The following CDK14 variants were observed in gnomAD, a reference collection of about 807,000 sequenced individuals.
CDK14 encodes the protein cyclin dependent kinase 14, also known as cyclin-dependent kinase 14.
In CDK14, 34 loss-of-function variants were observed where a neutral mutation model predicts 60.7. The ratio of observed to expected loss-of-function variants is 0.56; its 90% confidence interval spans 0.43 to 0.75. The LOEUF (loss-of-function observed/expected upper bound fraction) is 0.75. Ranked by LOEUF, CDK14 falls within the 30% of genes least tolerant of loss-of-function variation. CDK14 has a pLI of 0.00. For missense variants in CDK14, 482 were observed against 564.1 expected (o/e 0.85, Z 1.47); for synonymous variants, 197 against 203.7 (o/e 0.97, Z 0.28).
At chr7:91,119,781 A>G (rs1799725250) in intron 14 of CDK14, among the ~76,000 whole-genome samples, 1 of 152,216 alleles carries the variant, frequency 6.6e-6, no homozygotes, top group South Asian at 2.1e-4. Context: ...ATCTCCAGAT[A>G]AAGTATGATG....
chr7:90,655,961 T>C (rs1325641506), intron 2 of CDK14, among the ~76,000 whole-genome samples: 1 of 152,186 alleles, frequency 6.6e-6, no homozygotes, highest in Non-Finnish European at 1.5e-5. Context: ...CTTGAACTTT[T>C]TTGTGTCTCA....
chr7:90,614,076 G>C (rs976215599), intron 2 of CDK14, among the ~76,000 whole-genome samples: 2 of 146,908 alleles, frequency 1.4e-5, no homozygotes, highest in Non-Finnish European at 3.0e-5. Flanking sequence ...GTGCGATCTT[G>C]GGTCACTGCA....
At chr7:90,874,362 T>C (rs529274589) in intron 6 of CDK14, among the ~76,000 whole-genome samples, 11 of 152,276 alleles carry the variant, frequency 7.2e-5, no homozygotes, top group African/African-American at 2.6e-4. Flanking sequence ...GCTCCATTTT[T>C]CAGTTCCATT....
chr7:91,178,506 C>T (rs1471388241), intron 14 of CDK14, among the ~76,000 whole-genome samples: 2 of 149,340 alleles, frequency 1.3e-5, no homozygotes, highest in Admixed American at 1.3e-4. Flanking sequence ...AAAGAAACTA[C>T]CATCAGAGTG....
intron 10 of CDK14, among the ~76,000 whole-genome samples, chr7:91,000,106 A>G (rs1313410467): frequency 6.6e-6 from 1 of 152,210 alleles, no homozygotes; most frequent in Admixed American, 6.5e-5. Context: ...CAGTAAGCCA[A>G]CTGCTTGGTA....
At chr7:91,060,307 A>G (rs1344619736) in intron 11 of CDK14, among the ~76,000 whole-genome samples, 1 of 149,450 alleles carries the variant, frequency 6.7e-6, no homozygotes, top group Non-Finnish European at 1.5e-5. Context: ...TGCCCGTGAG[A>G]TGGGTTTCCT....
intron 8 of CDK14, among the ~76,000 whole-genome samples, chr7:90,948,922 A>G (rs1181299191): frequency 6.6e-6 from 1 of 152,218 alleles, no homozygotes; most frequent in Non-Finnish European, 1.5e-5. Flanking sequence ...GAACAACAGC[A>G]TGTTTATCAT....
intron 5 of CDK14, among the ~76,000 whole-genome samples, chr7:90,851,345 A>ATG (rs1790639846): frequency 1.3e-5 from 2 of 152,062 alleles, no homozygotes; most frequent in Non-Finnish European, 1.5e-5. Context: ...TTTTATATAT[A>ATG]TGTGTGTGTA....
At chr7:90,765,912 A>G (rs945866919) in intron 4 of CDK14, among the ~76,000 whole-genome samples, 1 of 152,048 alleles carries the variant, frequency 6.6e-6, no homozygotes, top group African/African-American at 2.4e-5. Flanking sequence ...GAGGAGCTCT[A>G]TTTTCTCTGT....
At chr7:90,823,618 T>C (rs1789624109) in intron 5 of CDK14, among the ~76,000 whole-genome samples, 1 of 151,558 alleles carries the variant, frequency 6.6e-6, no homozygotes, top group Non-Finnish European at 1.5e-5. Flanking sequence ...TAGGAGGGAG[T>C]AGGTATTTCG....
At chr7:90,888,091 C>T (rs1208822734) in intron 6 of CDK14, among the ~76,000 whole-genome samples, 1 of 152,156 alleles carries the variant, frequency 6.6e-6, no homozygotes, top group Admixed American at 6.5e-5. Context: ...ATGGCTCACA[C>T]CTGTAATCCC....
intron 6 of CDK14, among the ~76,000 whole-genome samples, chr7:90,865,798 C>G (rs763169255): frequency 2.6e-5 from 4 of 152,092 alleles, no homozygotes; most frequent in Non-Finnish European, 2.9e-5. Context: ...TCTCAACAGC[C>G]TCATGGAACT....
chr7:90,910,437 A>G (rs1792856233), intron 7 of CDK14, among the ~76,000 whole-genome samples: 1 of 152,160 alleles, frequency 6.6e-6, no homozygotes, highest in Admixed American at 6.6e-5. Flanking sequence ...TATAATTGGG[A>G]TTTTAACTAA....
intron 2 of CDK14, among the ~76,000 whole-genome samples, chr7:90,672,502 G>GTTTTTT (rs201978996): frequency 1.0e-4 from 5 of 49,984 alleles, no homozygotes; most frequent in East Asian, 6.9e-4. Context: ...TTCTTCTTCT[G>GTTTTTT]TTTTTTTTTT....
rs11375419 is a variant in CDK14 at position 91,141,608 on chromosome 7, G to GAA, written c.*28+23408_*28+23409dup. On this transcript the variant is annotated intron_variant, in intron 14 of 14. Coordinates refer to ENST00000380050, the MANE Select transcript of CDK14 (RefSeq NM_001287135.2). ...ACAGACAACAGAGAAAGTAAGGTCAGAAAAAAAAAGAGAGAAATAAGTTAC... is the reference window on the plus strand; with the variant it reads ...ACAGACAACAGAGAAAGTAAGGTCAGAAAAAAAAAAAGAGAGAAATAAGTTAC... 5.8e-4 allele frequency among the ~76,000 whole-genome samples: 88 copies of GAA among 150,772 alleles called. 2 individuals carry two copies. In the South Asian group the frequency reaches 0.015, roughly 26 times the overall value.
At position 90,759,574 on chromosome 7, in the gene CDK14, G is replaced by T. The variant is rs185860885; in HGVS notation, c.464+11799G>T. Among the ~76,000 whole-genome samples the T allele has an allele frequency of 3.9e-5, 6 of 152,286 alleles. No individual in the cohort carries two copies. In the East Asian group the frequency reaches 1.2e-3, roughly 29 times the overall value. Reference sequence around the variant, plus strand: ...CCTCAAGACCCAAAGTTGAGACATAGTGGGACCCATATTCTCCTCAATGTA... The same window carrying T: ...CCTCAAGACCCAAAGTTGAGACATATTGGGACCCATATTCTCCTCAATGTA... On this transcript the variant is annotated intron_variant, in intron 4 of 14. Transcript: ENST00000380050.
rs537827383 is a variant in CDK14, at chr7:90,806,229, T to C, written c.544+15577T>C. 2.0e-5 allele frequency among the ~76,000 whole-genome samples: 3 copies of C among 152,268 alleles called. No homozygotes were observed. In the South Asian group the frequency reaches 6.2e-4, roughly 32 times the overall value. On this transcript the variant is annotated intron_variant, in intron 5 of 14. Transcript: ENST00000380050. Reference sequence around the variant, plus strand: ...ATTTTGTGCCCTTGGATTACACAAATATTTCATAGATATGACAGCAAAAAC... The same window carrying C: ...ATTTTGTGCCCTTGGATTACACAAACATTTCATAGATATGACAGCAAAAAC...
intron 2 of CDK14, among the ~76,000 whole-genome samples, chr7:90,626,737 G>A (rs2116388453): frequency 6.6e-6 from 1 of 152,156 alleles, no homozygotes; most frequent in Non-Finnish European, 1.5e-5. Context: ...CCCAGGAGTT[G>A]GAGACCAGCC....
intron 7 of CDK14, among the ~76,000 whole-genome samples, chr7:90,904,874 A>T (rs549241723): frequency 6.6e-6 from 1 of 152,204 alleles, no homozygotes; most frequent in Non-Finnish European, 1.5e-5. Context: ...TTCAACAGTA[A>T]CACTGAAAGG....
Sources: allele counts gnomAD v4.1 joint callset (sites outside exome capture counted in the v4.1 genomes callset), GRCh38; gene constraint gnomAD v4.1.1; transcripts MANE v1.5; gene names NCBI Gene and HGNC (gene_info 2026-07-23, HGNC 2026-07-21).